Variants in PCSK2 observed in about 807,000 individuals in gnomAD.
PCSK2 encodes the protein proprotein convertase subtilisin/kexin type 2, also known as neuroendocrine convertase 2.
Under a neutral mutation model 69.7 loss-of-function variants are expected in PCSK2, and 14 were observed. The ratio of observed to expected loss-of-function variants is 0.20; its 90% CI spans 0.13 to 0.31. The LOEUF (loss-of-function observed/expected upper bound fraction) is 0.31, where lower values mean the gene tolerates loss of function less well. Among genes scored for constraint, PCSK2 ranks in the 10% least tolerant of loss-of-function variants. The pLI is 1.00. For synonymous variants in PCSK2, 307 were observed against 320.7 expected (o/e 0.96, Z 0.46); for missense variants, 544 against 842.5 (o/e 0.65, Z 4.39).
chr20:17,314,389 C>T (rs1452865758), intron 2 of PCSK2, among the ~76,000 whole-genome samples: 2 of 152,168 alleles, frequency 1.3e-5, no homozygotes, highest in Admixed American at 6.5e-5. Flanking sequence ...GAGGATTTTT[C>T]CAAATCTACA....
intron 2 of PCSK2, among the ~76,000 whole-genome samples, chr20:17,343,148 C>G (rs773611778): frequency 6.6e-6 from 1 of 152,216 alleles, no homozygotes; most frequent in Non-Finnish European, 1.5e-5. Flanking sequence ...ATTCAGCACT[C>G]TCTGTATTGC....
intron 2 of PCSK2, among the ~76,000 whole-genome samples, chr20:17,304,318 A>G (rs1989258244): frequency 6.6e-6 from 1 of 152,142 alleles, no homozygotes; most frequent in Non-Finnish European, 1.5e-5. Context: ...TTCAATAAAT[A>G]CTTATGAAGG....
chr20:17,461,918 C>T (rs1812197214), intron 10 of PCSK2, among the ~76,000 whole-genome samples: 1 of 152,188 alleles, frequency 6.6e-6, no homozygotes, highest in South Asian at 2.1e-4. Context: ...AATACATACA[C>T]CTACTGTGTA....
At chr20:17,369,759 C>G (rs1358052193) in intron 5 of PCSK2, among the ~76,000 whole-genome samples, 2 of 152,162 alleles carry the variant, frequency 1.3e-5, no homozygotes, top group Admixed American at 1.3e-4. Flanking sequence ...TCAACTCTAC[C>G]TGATGATATT....
At chr20:17,252,553 C>T (rs999375299) in intron 1 of PCSK2, among the ~76,000 whole-genome samples, 1 of 152,186 alleles carries the variant, frequency 6.6e-6, no homozygotes, top group Non-Finnish European at 1.5e-5. Flanking sequence ...AAATCTGAGG[C>T]CCACAAGGGT....
intron 2 of PCSK2, among the ~76,000 whole-genome samples, chr20:17,356,119 A>T (rs1389514355): frequency 1.3e-5 from 2 of 152,126 alleles, no homozygotes; most frequent in African/African-American, 2.4e-5. Context: ...ATATATATTT[A>T]TATATATACA....
intron 2 of PCSK2, among the ~76,000 whole-genome samples, chr20:17,303,732 C>G (rs1989235214): frequency 6.8e-6 from 1 of 146,586 alleles, no homozygotes; most frequent in Admixed American, 7.0e-5. Context: ...ACGTGCCACC[C>G]CACCCATCTA....
intron 2 of PCSK2, among the ~76,000 whole-genome samples, chr20:17,347,792 GAAA>G (rs1990690398): frequency 4.0e-5 from 1 of 25,034 alleles, no homozygotes; most frequent in Non-Finnish European, 9.0e-5. Flanking sequence ...ATAGACGAAA[GAAA>G]GAAAGAAAGA....
At chr20:17,316,081 C>T (rs779348618) in intron 2 of PCSK2, among the ~76,000 whole-genome samples, 7 of 152,186 alleles carry the variant, frequency 4.6e-5, no homozygotes, top group Non-Finnish European at 8.8e-5. Flanking sequence ...CTTTAAGGCT[C>T]GTTCTTCATA....
intron 2 of PCSK2, among the ~76,000 whole-genome samples, chr20:17,340,456 CA>C (rs1258287947): frequency 2.6e-5 from 4 of 152,204 alleles, no homozygotes; most frequent in African/African-American, 9.6e-5. Context: ...TTGCTGCTTT[CA>C]AACCAGATTT....
chr20:17,312,297 A>T (rs567879455), intron 2 of PCSK2, among the ~76,000 whole-genome samples: 1 of 152,264 alleles, frequency 6.6e-6, no homozygotes, highest in Non-Finnish European at 1.5e-5. Context: ...GGGACTTCTG[A>T]TTCCTTGTAA....
chr20:17,375,436 G>A (rs1438785868), intron 5 of PCSK2, among the ~76,000 whole-genome samples: 2 of 152,184 alleles, frequency 1.3e-5, no homozygotes, highest in Admixed American at 6.5e-5. Flanking sequence ...CATTGCTCGT[G>A]GCCAGGGATG....
intron 2 of PCSK2, among the ~76,000 whole-genome samples, chr20:17,314,194 G>A (rs1341962719): frequency 6.6e-6 from 1 of 152,094 alleles, no homozygotes; most frequent in African/African-American, 2.4e-5. Context: ...TGGATAAATG[G>A]ACCTACCATT....
chr20:17,294,000 C>G (rs865878506), intron 2 of PCSK2, among the ~76,000 whole-genome samples: 1 of 151,714 alleles, frequency 6.6e-6, no homozygotes, highest in Non-Finnish European at 1.5e-5. Flanking sequence ...AGGTTTCTAC[C>G]ATTTCGTTAG....
chr20:17,351,558 T>C (rs1415587631), intron 2 of PCSK2, among the ~76,000 whole-genome samples: 6 of 152,190 alleles, frequency 3.9e-5, no homozygotes, highest in Non-Finnish European at 7.4e-5. Flanking sequence ...CAAATCAATA[T>C]ATGTGATCAT....
chr20:17,360,974 T>C (rs2030372113), intron 4 of PCSK2, among the ~76,000 whole-genome samples: 1 of 152,246 alleles, frequency 6.6e-6, no homozygotes, highest in African/African-American at 2.4e-5. Context: ...CATCAATTTC[T>C]CTAGACTCAC....
chr20:17,443,450 T>C (rs2032637028), intron 8 of PCSK2, among the ~76,000 whole-genome samples: 1 of 152,148 alleles, frequency 6.6e-6, no homozygotes, highest in Non-Finnish European at 1.5e-5. Context: ...GCATTATTCA[T>C]TGTGTGACTG....
chr20:17,321,190 C>T (rs1471735269), intron 2 of PCSK2, among the ~76,000 whole-genome samples: 3 of 152,182 alleles, frequency 2.0e-5, no homozygotes, highest in Non-Finnish European at 4.4e-5. Context: ...TTAGTTAGAT[C>T]TGGATTTCAT....
chr20:17,337,246 A>G (rs1990380560), intron 2 of PCSK2, among the ~76,000 whole-genome samples: 1 of 152,222 alleles, frequency 6.6e-6, no homozygotes, highest in Admixed American at 6.5e-5. Flanking sequence ...AAAGAACAAC[A>G]AAGGAGAATC....
Sources: allele counts gnomAD v4.1 joint callset (sites outside exome capture counted in the v4.1 genomes callset), GRCh38; gene constraint gnomAD v4.1.1; transcripts MANE v1.5; gene names NCBI Gene and HGNC (gene_info 2026-07-23, HGNC 2026-07-21).